Variants in APBA2 observed in about 807,000 individuals in gnomAD.
APBA2 encodes amyloid-beta A4 precursor protein-binding family A member 2.
A neutral mutation model predicts 75.0 loss-of-function variants in APBA2; 30 were observed. The ratio of observed to expected loss-of-function variants is 0.40; its 90% CI spans 0.30 to 0.54. APBA2 has a LOEUF of 0.54. APBA2 is among the 20% of genes least tolerant of loss of function. APBA2 has a pLI of 0.49. For synonymous variants in APBA2, 444 were observed against 409.6 expected, an observed-to-expected ratio of 1.08 and a Z score of -1.01; for missense variants, 801 against 1,016.1, an observed-to-expected ratio of 0.79 and a Z score of 2.88.
chr15:29,103,870 G>A (rs1024876150), intron 10 of APBA2, among the ~76,000 whole-genome samples: 1 of 152,196 alleles, frequency 6.6e-6, no homozygotes, highest in African/African-American at 2.4e-5. Flanking sequence ...GCTGCCCCCG[G>A]CCCTCCTGCC....
chr15:28,992,608 C>T (rs947374098), intron 2 of APBA2, among the ~76,000 whole-genome samples: 8 of 152,166 alleles, frequency 5.3e-5, no homozygotes, highest in Admixed American at 3.9e-4. Context: ...GTGTACTGGA[C>T]GTGTTCTCTG....
At chr15:28,940,815 A>G (rs1458354418) in intron 2 of APBA2, among the ~76,000 whole-genome samples, 1 of 152,204 alleles carries the variant, frequency 6.6e-6, no homozygotes, top group African/African-American at 2.4e-5. Context: ...GCTTTGTCAT[A>G]GCAGATAATA....
chr15:28,988,219 G>A (rs2038029085), intron 2 of APBA2, among the ~76,000 whole-genome samples: 1 of 151,278 alleles, frequency 6.6e-6, no homozygotes, highest in Non-Finnish European at 1.5e-5. Context: ...CATTTTGTCT[G>A]TAAGCGTTAT....
intron 6 of APBA2, among the ~76,000 whole-genome samples, chr15:29,083,594 A>G (rs1261009222): frequency 6.6e-6 from 1 of 152,092 alleles, no homozygotes; most frequent in Non-Finnish European, 1.5e-5. Flanking sequence ...GCAATGGCGC[A>G]ATCTTGGCTC....
intron 2 of APBA2, among the ~76,000 whole-genome samples, chr15:28,928,402 T>C (rs2034390443): frequency 6.6e-6 from 1 of 151,964 alleles, no homozygotes; most frequent in South Asian, 2.1e-4. Context: ...TCAGACAGAG[T>C]GAGTGTCGTG....
Position 29,108,329 on chromosome 15 carries a change from G to A in APBA2, c.1977G>A (p.Thr659=), listed in dbSNP as rs776079878. ...TTGTCAGCTGTCCCCCGGTCACCAC[G>A]GTCCTTATCAAGCGGCCAGACCTCA... ...LNIVSCPPVT[T]VLIKRPDLKY... The change falls in exon 13 of 15, where the codon ACG becomes ACA. Residue 659 remains threonine (T), a synonymous_variant. Transcript: ENST00000683413. The A allele has an allele frequency of 3.5e-5, 56 of 1,614,066 alleles. No individual in the cohort carries two copies. In the Middle Eastern group the frequency reaches 1.5e-3, roughly 43 times the overall value.
In APBA2 at chr15:28,908,018, C is replaced by T. The variant is rs144211074; in HGVS notation, c.-204-13622C>T. On this transcript the variant is annotated intron_variant, in intron 1 of 14. Transcript: ENST00000683413. The stretch of plus-strand genomic sequence containing the variant: ...TACCATTGGTGAAAATATCCTCTTA[C>T]GCATTTGCAGTGCACCTCTGTCCTC... Among the ~76,000 whole-genome samples the T allele has an allele frequency of 3.1e-3, 471 of 152,344 alleles. 17 individuals carry two copies. The East Asian group carries it at 0.065, about 21-fold the overall frequency.
chr15:29,025,073 C>A (rs545845724), intron 3 of APBA2, among the ~76,000 whole-genome samples: 1 of 152,110 alleles, frequency 6.6e-6, no homozygotes, highest in South Asian at 2.1e-4. Context: ...ACTTCATAAG[C>A]GGTGGTGTAT....
At chr15:29,105,331 G>C in intron 10 of APBA2, 48 bp from the exon 11 acceptor site, 1 of 1,584,600 alleles carries the variant, frequency 6.3e-7, no homozygotes, top group Non-Finnish European at 8.6e-7. Flanking sequence ...GAGGCTGCGG[G>C]GAGCCTGTGC....
At chr15:29,031,036 T>A (rs1313594717) in intron 3 of APBA2, among the ~76,000 whole-genome samples, 1 of 152,212 alleles carries the variant, frequency 6.6e-6, no homozygotes, top group East Asian at 1.9e-4. Flanking sequence ...TACTTTGTTG[T>A]TTACATTCAT....
At chr15:29,013,976 T>C (rs2039531655) in intron 3 of APBA2, among the ~76,000 whole-genome samples, 1 of 152,250 alleles carries the variant, frequency 6.6e-6, no homozygotes, top group Non-Finnish European at 1.5e-5. Context: ...TGCTAAACTT[T>C]ACTGCTGCCA....
At chr15:28,926,108 A>G (rs1258397292) in intron 2 of APBA2, among the ~76,000 whole-genome samples, 1 of 152,058 alleles carries the variant, frequency 6.6e-6, no homozygotes, top group African/African-American at 2.4e-5. Context: ...TAGAGTTGAG[A>G]CTTGTGTTTT....
At chr15:29,022,074 G>A (rs1218174278) in intron 3 of APBA2, among the ~76,000 whole-genome samples, 3 of 152,112 alleles carry the variant, frequency 2.0e-5, no homozygotes, top group Non-Finnish European at 4.4e-5. Flanking sequence ...CATATCTTGG[G>A]TATTGTGAAT....
intron 3 of APBA2, among the ~76,000 whole-genome samples, chr15:29,007,276 A>G (rs1309417817): frequency 6.6e-6 from 1 of 152,264 alleles, no homozygotes; most frequent in Non-Finnish European, 1.5e-5. Context: ...AGCTGAGACC[A>G]TAAAACTCAG....
At chr15:28,904,311 C>T (rs553820206) in intron 1 of APBA2, among the ~76,000 whole-genome samples, 25 of 152,280 alleles carry the variant, frequency 1.6e-4, no homozygotes, top group African/African-American at 4.1e-4. Context: ...CACTCATGGA[C>T]GGTTTCTTCC....
chr15:29,102,753 C>T (rs2044188271), intron 10 of APBA2: 1 of 72,438 alleles, frequency 1.4e-5, no homozygotes, highest in South Asian at 7.5e-4. Context: ...GAGTGAAACT[C>T]CGTCTCAAAA....
At position 29,054,439 on chromosome 15, in the gene APBA2, C is replaced by A. The variant is rs755144130; in HGVS notation, c.555C>A (p.His185Gln). 11 of 1,614,026 alleles carry A rather than the reference C, an allele frequency of 6.8e-6. No individual in the cohort carries two copies. ...CCCATGACCAGGAAGAAGATGGTCA[C>A]TACTGTGCCAGCAAAGAGGGCTACC... is the stretch of plus-strand genomic sequence containing the variant. ...LEAHDQEEDG[H>Q]YCASKEGYQD... Residue 185 changes from histidine to glutamine, a missense_variant, in exon 4 of 15, where the codon CAC (histidine) becomes CAA (glutamine). His to Gln is a conservative substitution (Grantham distance 24). Around this residue, in one of 2 missense-constraint regions of APBA2, gnomAD observed 434 missense variants for 471.6 expected, o/e 0.92. Transcript: ENST00000683413. This position sits in a 1 kb window ranked among gnomAD's most constrained non-coding sequence, Gnocchi z 6.1.
intron 1 of APBA2, among the ~76,000 whole-genome samples, chr15:28,919,814 C>T (rs561204163): frequency 6.6e-6 from 1 of 152,336 alleles, no homozygotes; most frequent in East Asian, 1.9e-4. Flanking sequence ...TAACCCCCTC[C>T]TCAGTCCGAA....
In APBA2 at chr15:28,934,556, C is replaced by T. The variant is rs927930541; in HGVS notation, c.-95+12807C>T. 3.9e-5 allele frequency among the ~76,000 whole-genome samples: 6 copies of T among 152,152 alleles called. No individual in the cohort carries two copies. In the East Asian group the frequency reaches 7.7e-4, roughly 20 times the overall value. On this transcript the variant is annotated intron_variant, in intron 2 of 14. Coordinates refer to ENST00000683413, the MANE Select transcript of APBA2 (RefSeq NM_001353788.2). ...GTCTATTGGCGCCTGTGTGGGAAGG[C>T]GGGAAACCAGGGGCTTGGGGCCAGC... is the stretch of plus-strand genomic sequence containing the variant.
Sources: allele counts gnomAD v4.1 joint callset (sites outside exome capture counted in the v4.1 genomes callset), GRCh38; gene constraint gnomAD v4.1.1; regional missense constraint gnomAD v4.1.1; non-coding constraint Gnocchi (gnomAD v3.1); transcripts MANE v1.5; gene names NCBI Gene and HGNC (gene_info 2026-07-23, HGNC 2026-07-21).